The following GLG1 variants were observed in gnomAD, a reference collection of about 807,000 sequenced individuals.
GLG1 encodes Golgi apparatus protein 1.
A neutral mutation model predicts 160.5 loss-of-function variants in GLG1; 38 were observed. That is an observed-to-expected ratio of 0.24 (90% confidence interval 0.18 to 0.31). GLG1 has a LOEUF of 0.31. Ranked by LOEUF, GLG1 falls within the 10% of genes least tolerant of loss-of-function variation. The pLI, the probability that GLG1 is intolerant of heterozygous loss-of-function variation, is 1.00. For synonymous variants in GLG1, 644 were observed against 543.4 expected (o/e 1.19, Z -2.57); for missense variants, 1,373 against 1,505.2 (o/e 0.91, Z 1.45).
chr16:74,543,446 C>A (rs1294483466), intron 1 of GLG1, among the ~76,000 whole-genome samples: 2 of 152,132 alleles, frequency 1.3e-5, no homozygotes, highest in African/African-American at 4.8e-5. Context: ...CTACTGCACT[C>A]CAGCCTGGAC....
chr16:74,521,266 A>C (rs1256477596), intron 2 of GLG1, among the ~76,000 whole-genome samples: 1 of 152,074 alleles, frequency 6.6e-6, no homozygotes, highest in Non-Finnish European at 1.5e-5. Context: ...AAGATTTGGG[A>C]GTTTAATCAG....
At chr16:74,588,755 C>A (rs1184458116) in intron 1 of GLG1, among the ~76,000 whole-genome samples, 1 of 152,044 alleles carries the variant, frequency 6.6e-6, no homozygotes, top group Non-Finnish European at 1.5e-5. Context: ...AAATAAAAAT[C>A]TATCTGATTC....
In GLG1 at chr16:74,498,454, A is replaced by G. The variant is rs1254748139; in HGVS notation, c.775-1810T>C. On this transcript the variant is annotated intron_variant, in intron 4 of 25. Transcript: ENST00000422840. ...GTCTCAAAAAAAAAAAAAAGTATATATATATATATATATTATATTTTATAT... is the reference window on the plus strand; with the variant it reads ...GTCTCAAAAAAAAAAAAAAGTATATGTATATATATATATTATATTTTATAT... Among the ~76,000 whole-genome samples the G allele has an allele frequency of 4.2e-5, 4 of 96,234 alleles. 1 individual carries two copies. Among genetic ancestry groups the G allele is most frequent in the South Asian group, 3.3e-4 (1 of 3,008 alleles). The allele number at this position is 96,234 out of a possible 152,430, so 63.1% of individuals were successfully genotyped here. A position where few individuals can be genotyped will look rare whatever the true frequency, so the allele number is the denominator to read the frequency against.
chr16:74,563,883 C>A (rs1335477659), intron 1 of GLG1, among the ~76,000 whole-genome samples: 1 of 152,158 alleles, frequency 6.6e-6, no homozygotes, highest in Non-Finnish European at 1.5e-5. Context: ...CTCAAGGTTG[C>A]CTACTGGCTA....
At chr16:74,542,850 C>T (rs1418742822) in intron 1 of GLG1, among the ~76,000 whole-genome samples, 4 of 151,450 alleles carry the variant, frequency 2.6e-5, no homozygotes, top group South Asian at 2.1e-4. Context: ...TCTGACAATA[C>T]CATTAATGTT....
At chr16:74,511,060 G>A (rs74628375) in intron 2 of GLG1, among the ~76,000 whole-genome samples, 26 of 152,234 alleles carry the variant, frequency 1.7e-4, no homozygotes, top group Non-Finnish European at 3.1e-4. Context: ...AGGACTGACC[G>A]AGGAGCCTCA....
chr16:74,551,630 A>T (rs1222340663), intron 1 of GLG1, among the ~76,000 whole-genome samples: 1 of 151,398 alleles, frequency 6.6e-6, no homozygotes, highest in African/African-American at 2.4e-5. Flanking sequence ...TTTTTTAAAT[A>T]AAAGAAAATA....
intron 1 of GLG1, among the ~76,000 whole-genome samples, chr16:74,566,813 A>G (rs1010882145): frequency 2.0e-5 from 3 of 152,190 alleles, no homozygotes; most frequent in Non-Finnish European, 4.4e-5. Flanking sequence ...AAGATACAAC[A>G]AATTTTTTTC....
At position 74,534,064 on chromosome 16, in the gene GLG1, T is replaced by G. The variant is rs376472834; in HGVS notation, c.439-1911A>C. ...TAGGCATTAGCAACATACAAACTCATTTTTATACTTACAACATATATTAAA... is the reference window on the plus strand; with the variant it reads ...TAGGCATTAGCAACATACAAACTCAGTTTTATACTTACAACATATATTAAA... On this transcript the variant is annotated intron_variant, in intron 1 of 25. Transcript: ENST00000422840. Among the ~76,000 whole-genome samples the G allele has an allele frequency of 3.7e-3, 569 of 152,260 alleles. 15 individuals are homozygous for G. The East Asian group carries it at 0.098, about 26-fold the overall frequency.
chr16:74,471,061 A>G, intron 15 of GLG1, 112 bp downstream of exon 15: 1 of 730,078 alleles, frequency 1.4e-6, no homozygotes, highest in Non-Finnish European at 2.5e-6. Flanking sequence ...CTGGCTGGAA[A>G]AAAATGACTT....
intron 1 of GLG1, among the ~76,000 whole-genome samples, chr16:74,550,268 AAT>A (rs1425325828): frequency 2.0e-5 from 3 of 152,312 alleles, no homozygotes; most frequent in East Asian, 1.9e-4. Flanking sequence ...TGATGTTTAG[AAT>A]ATGTGTTTTC....
intron 1 of GLG1, among the ~76,000 whole-genome samples, chr16:74,586,197 C>T (rs143508685): frequency 2.6e-5 from 4 of 151,816 alleles, no homozygotes; most frequent in African/African-American, 9.7e-5. Context: ...CCCTAGGAAA[C>T]GAATGGAACC....
intron 4 of GLG1, among the ~76,000 whole-genome samples, chr16:74,503,020 G>A (rs373814437): frequency 9.2e-5 from 14 of 151,672 alleles, no homozygotes; most frequent in African/African-American, 2.7e-4. Context: ...CAGCCTGGCC[G>A]ACATGGCGAA....
At position 74,600,484 on chromosome 16, in the gene GLG1, C is replaced by T. The variant is rs367762916; in HGVS notation, c.438+6173G>A. 4.6e-5 allele frequency among the ~76,000 whole-genome samples: 7 copies of T among 152,218 alleles called. No homozygotes were observed. The South Asian group carries it at 6.2e-4, about 14-fold the overall frequency. ...CACTGGTTTACACCTGTAATCCTAG[C>T]ACTTTGGGAGGCCAAGACAGGCAGA... is the stretch of plus-strand genomic sequence containing the variant. On this transcript the variant is annotated intron_variant, in intron 1 of 25. Transcript: ENST00000422840.
At chr16:74,459,902 CTGCAG>C (rs2014717379) in intron 22 of GLG1, 113 bp from the exon 23 acceptor site, 1 of 587,522 alleles carries the variant, frequency 1.7e-6, no homozygotes, top group East Asian at 3.1e-5. Flanking sequence ...GTCACCCAGG[CTGCAG>C]TGCAGTGGTG....
intron 6 of GLG1, among the ~76,000 whole-genome samples, chr16:74,494,532 G>A (rs1228794706): frequency 4.0e-5 from 6 of 149,666 alleles, no homozygotes; most frequent in African/African-American, 4.9e-5. Flanking sequence ...TCAGCCTCCC[G>A]AGTAGCTGGG....
At chr16:74,482,590 C>T (rs1054460367) in intron 10 of GLG1, among the ~76,000 whole-genome samples, 2 of 151,998 alleles carry the variant, frequency 1.3e-5, no homozygotes, top group African/African-American at 4.8e-5. Context: ...GACAAAAACC[C>T]CTTAAGACAG....
intron 1 of GLG1, among the ~76,000 whole-genome samples, chr16:74,539,678 C>G (rs1285189975): frequency 6.6e-6 from 1 of 151,362 alleles, no homozygotes; most frequent in African/African-American, 2.4e-5. Context: ...TCGCTAATTA[C>G]TCAAAACCAC....
At chr16:74,498,482 AT>A (rs2143427693) in intron 4 of GLG1, among the ~76,000 whole-genome samples, 2 of 119,330 alleles carry the variant, frequency 1.7e-5, no homozygotes, top group Admixed American at 1.9e-4. Flanking sequence ...TTTTATATAT[AT>A]ATTTTATATA....
Sources: allele counts gnomAD v4.1 joint callset (sites outside exome capture counted in the v4.1 genomes callset), GRCh38; gene constraint gnomAD v4.1.1; transcripts MANE v1.5; gene names NCBI Gene and HGNC (gene_info 2026-07-23, HGNC 2026-07-21).